Variants in STIM1 observed in about 807,000 individuals in gnomAD.
STIM1 encodes the protein stromal interaction molecule 1.
STIM1 carries 25 observed loss-of-function variants against 74.7 expected under a neutral mutation model. The ratio of observed to expected loss-of-function variants is 0.33; its 90% CI spans 0.24 to 0.47. The LOEUF (loss-of-function observed/expected upper bound fraction) is 0.47. STIM1 is among the 20% of genes least tolerant of loss of function. STIM1 has a pLI of 1.00. For missense variants in STIM1, 728 were observed against 920.8 expected, an observed-to-expected ratio of 0.79 and a Z score of 2.71; for synonymous variants, 328 against 348.8, an observed-to-expected ratio of 0.94 and a Z score of 0.66.
intron 1 of STIM1, among the ~76,000 whole-genome samples, chr11:3,941,618 C>CGT (rs1554959568): frequency 3.7e-4 from 33 of 90,064 alleles, no homozygotes; most frequent in African/African-American, 1.5e-3. Flanking sequence ...TGTGTGTATA[C>CGT]ATATATATAT....
At chr11:3,895,747 C>CTTTTTCTTT (rs2092123769) in intron 1 of STIM1, among the ~76,000 whole-genome samples, 1 of 25,902 alleles carries the variant, frequency 3.9e-5, no homozygotes, top group Non-Finnish European at 6.6e-5. Flanking sequence ...TTTCTTTCTT[C>CTTTTTCTTT]CTTCCTTCCT....
In STIM1 at chr11:3,922,869, G is replaced by A. The variant is rs142446136; in HGVS notation, c.140-44683G>A. ...TCCCAGCACTTTGGGAGGCTGAGGC[G>A]GGCGGATCACCTGAGGTCAGGAGAT... On this transcript the variant is annotated intron_variant, in intron 1 of 12. Coordinates refer to ENST00000526596, the MANE Select transcript of STIM1 (RefSeq NM_001382567.1). Among the ~76,000 whole-genome samples the A allele has an allele frequency of 3.7e-3, 557 of 151,824 alleles. 3 individuals are homozygous for A. The highest frequency in any genetic ancestry group is 0.013 in the African/African-American group (538 of 41,420).
intron 6 of STIM1, 62 bp downstream of exon 6, chr11:4,070,265 A>G (rs903868684): frequency 6.9e-6 from 11 of 1,601,334 alleles, no homozygotes; most frequent in Non-Finnish European, 9.4e-6. Flanking sequence ...TCCTATTTCC[A>G]CCTGGGTGTG....
At chr11:3,977,123 G>T (rs1565134240) in intron 2 of STIM1, among the ~76,000 whole-genome samples, 1 of 152,106 alleles carries the variant, frequency 6.6e-6, no homozygotes, top group Non-Finnish European at 1.5e-5. Context: ...ATGTTTGTCT[G>T]ATGTATTTTG....
At chr11:4,081,861 C>T (rs1377193376) in intron 7 of STIM1, among the ~76,000 whole-genome samples, 1 of 152,204 alleles carries the variant, frequency 6.6e-6, no homozygotes, top group African/African-American at 2.4e-5. Flanking sequence ...CACTAGCTGA[C>T]CTGTTCCTGA....
intron 5 of STIM1, among the ~76,000 whole-genome samples, chr11:4,061,171 G>C (rs2094328054): frequency 1.3e-5 from 2 of 152,140 alleles, no homozygotes; most frequent in African/African-American, 4.8e-5. Flanking sequence ...AGAAACTGCA[G>C]GTTAAAGCAG....
At chr11:4,077,522 G>T (rs1224724413) in intron 7 of STIM1, among the ~76,000 whole-genome samples, 3 of 152,056 alleles carry the variant, frequency 2.0e-5, no homozygotes, top group Non-Finnish European at 4.4e-5. Flanking sequence ...TAAAAACATG[G>T]TTAATAAATT....
rs866122811 is a variant in STIM1, at chr11:4,047,154, A to G, written c.386-8372A>G. On this transcript the variant is annotated intron_variant, in intron 3 of 12. Coordinates refer to ENST00000526596, the MANE Select transcript of STIM1 (RefSeq NM_001382567.1). ...GTGGATGAGCAAAAATGAACAGGAC[A>G]CATTCCGTGCCTTCAATGTTTTCTG... is the stretch of plus-strand genomic sequence containing the variant. Among the ~76,000 whole-genome samples the G allele has an allele frequency of 8.5e-5, 13 of 152,310 alleles. No homozygotes were observed. The South Asian group carries it at 1.0e-3, about 12-fold the overall frequency.
chr11:4,071,505 G>T (rs2094403373), intron 6 of STIM1, among the ~76,000 whole-genome samples: 1 of 151,846 alleles, frequency 6.6e-6, no homozygotes, highest in African/African-American at 2.4e-5. Context: ...ACCATGCCTG[G>T]CTAATTTTTT....
At chr11:4,089,722 C>T (rs1172364472) in intron 12 of STIM1, among the ~76,000 whole-genome samples, 1 of 152,200 alleles carries the variant, frequency 6.6e-6, no homozygotes, top group East Asian at 1.9e-4. Flanking sequence ...GAGCCAACCC[C>T]CTGCTTTTGC....
intron 2 of STIM1, among the ~76,000 whole-genome samples, chr11:4,003,082 T>C (rs2093736637): frequency 6.8e-6 from 1 of 148,030 alleles, no homozygotes; most frequent in South Asian, 2.2e-4. Context: ...GATCTGAAAT[T>C]GTGGCAATAA....
chr11:3,926,618 G>A (rs1200351293), intron 1 of STIM1, among the ~76,000 whole-genome samples: 3 of 152,182 alleles, frequency 2.0e-5, no homozygotes, highest in Admixed American at 1.3e-4. Flanking sequence ...TGTGTGGATA[G>A]TACTGCCAGC....
chr11:4,000,347 G>C (rs1017823952), intron 2 of STIM1, among the ~76,000 whole-genome samples: 45 of 151,896 alleles, frequency 3.0e-4, no homozygotes, highest in African/African-American at 1.0e-3. Context: ...AGTAGGGGCA[G>C]ACTGACAACT....
chr11:3,878,992 G>A (rs1467661656), intron 1 of STIM1, among the ~76,000 whole-genome samples: 2 of 151,552 alleles, frequency 1.3e-5, no homozygotes, highest in Admixed American at 1.3e-4. Context: ...GTCTCGCCCT[G>A]TCACCCAGGC....
chr11:4,000,432 A>G (rs968819200), intron 2 of STIM1, among the ~76,000 whole-genome samples: 6 of 151,918 alleles, frequency 3.9e-5, no homozygotes, highest in Admixed American at 1.3e-4. Context: ...GATCATGAAA[A>G]TCCGTGGTTC....
chr11:3,999,959 C>T lies in STIM1; in HGVS notation c.271-23914C>T, dbSNP rs189401511. On this transcript the variant is annotated intron_variant, in intron 2 of 12. Coordinates refer to ENST00000526596, the MANE Select transcript of STIM1 (RefSeq NM_001382567.1). ...CCTGCACCTGGCTCGGAGGGTCCTA[C>T]GCCCATGGAGTCTTGCTGATTGCTA... Among the ~76,000 whole-genome samples, 1,003 of 152,264 alleles carry T rather than the reference C, an allele frequency of 6.6e-3. 3 individuals carry two copies. The highest frequency in any genetic ancestry group is 0.01 in the Middle Eastern group (3 of 294).
At chr11:4,054,108 C>T (rs979663062) in intron 3 of STIM1, among the ~76,000 whole-genome samples, 2 of 152,164 alleles carry the variant, frequency 1.3e-5, no homozygotes, top group Non-Finnish European at 2.9e-5. Flanking sequence ...TGGCTACTGG[C>T]TACTACTGCT....
chr11:4,074,817 C>CCAA, intron 7 of STIM1, 138 bp downstream of exon 7: 2 of 983,152 alleles, frequency 2.0e-6, no homozygotes, highest in Non-Finnish European at 3.0e-6. Context: ...TGGACTCTTA[C>CCAA]CAACAATAAG....
chr11:3,941,673 T>TATATAGAGAGAGAGAGAG (rs141623520), intron 1 of STIM1, among the ~76,000 whole-genome samples: 50 of 90,728 alleles, frequency 5.5e-4, no homozygotes, highest in Non-Finnish European at 9.5e-4. Context: ...TATATATATA[T>TATATAGAGAGAGAGAGAG]AGAGAGAGAG....
Sources: allele counts gnomAD v4.1 joint callset (sites outside exome capture counted in the v4.1 genomes callset), GRCh38; gene constraint gnomAD v4.1.1; transcripts MANE v1.5; gene names NCBI Gene and HGNC (gene_info 2026-07-23, HGNC 2026-07-21).